SAP30L: variants seen among roughly 807,000 people sequenced by gnomAD.
SAP30L encodes the protein SAP30 like, also known as histone deacetylase complex subunit SAP30L.
In SAP30L, 10 loss-of-function variants were observed where a neutral mutation model predicts 22.3. That is an observed-to-expected ratio of 0.45 (90% CI 0.28 to 0.76). The LOEUF (loss-of-function observed/expected upper bound fraction) is 0.76. Among genes scored for constraint, SAP30L ranks in the 30% least tolerant of loss-of-function variants. The pLI, the probability that SAP30L is intolerant of heterozygous loss-of-function variation, is 0.14. For missense variants in SAP30L, 206 were observed against 237.9 expected (o/e 0.87, Z 0.88); for synonymous variants, 91 against 94.1 (o/e 0.97, Z 0.19).
chr5:154,451,205 A>G lies in SAP30L; in HGVS notation c.316A>G (p.Ile106Val), dbSNP rs370790858. 7.4e-6 allele frequency: 12 copies of G among 1,613,282 alleles called. No homozygotes were observed. Among genetic ancestry groups the G allele is most frequent in the Middle Eastern group, 1.6e-4 (1 of 6,080 alleles). ...AGATTCTCCCGAGCACGACACTGAC[A>G]TTCCTGAGGTAAAGGTCAAAGAAAC... is the stretch of plus-strand genomic sequence containing the variant. ...GGDSPEHDTD[I>V]PEVDLFQLQV... The change falls in exon 2 of 4, where the codon ATT becomes GTT. Residue 106 changes from isoleucine (I) to valine (V), a missense_variant. Physicochemically the swap from Ile to Val is conservative, Grantham distance 29. Coordinates refer to ENST00000297109, the MANE Select transcript of SAP30L (RefSeq NM_024632.6).
intron 1 of SAP30L, among the ~76,000 whole-genome samples, chr5:154,450,861 C>T (rs1757122664): frequency 6.6e-6 from 1 of 152,190 alleles, no homozygotes; most frequent in African/African-American, 2.4e-5. Flanking sequence ...CATTTACTGT[C>T]TTCACCATTC....
At chr5:154,454,743 G>A (rs1757228489) in intron 3 of SAP30L, among the ~76,000 whole-genome samples, 1 of 152,190 alleles carries the variant, frequency 6.6e-6, no homozygotes, top group Non-Finnish European at 1.5e-5. Flanking sequence ...ATGAGGTGGG[G>A]CAAGAGGAGA....
chr5:154,454,632 C>G (rs1757226177), intron 3 of SAP30L, among the ~76,000 whole-genome samples: 1 of 152,170 alleles, frequency 6.6e-6, no homozygotes, highest in Non-Finnish European at 1.5e-5. Flanking sequence ...TTAAACAACT[C>G]CTTCACCAGT....
Position 154,446,112 on chromosome 5 carries a change from G to A in SAP30L, c.-493G>A, listed in dbSNP as rs929898813. The A allele has an allele frequency of 6.6e-6, 1 of 151,350 alleles. No homozygotes were observed. The highest frequency in any genetic ancestry group is 1.5e-5 in the Non-Finnish European group (1 of 67,796). 9.4% of individuals were successfully genotyped at this position (151,350 alleles called of 1,614,324 possible). ...GGGCCGGACGAGCCGCGGGGCCCGG[G>A]TGCCGCGGGTTCGAGGCCGGGCCCC... On this transcript the variant is annotated 5_prime_UTR_variant, in exon 1 of 4. The change creates a new upstream start codon in the 5' untranslated region. Transcript: ENST00000297109.
chr5:154,461,042 ATGAG>A lies in SAP30L; in HGVS notation c.*5016_*5019del, dbSNP rs1179085899. The A allele has an allele frequency of 6.6e-6, 1 of 152,214 alleles. No homozygotes were observed. The highest frequency in any genetic ancestry group is 1.5e-5 in the Non-Finnish European group (1 of 68,052). The allele number at this position is 152,214 out of a possible 1,614,324, so 9.4% of individuals were successfully genotyped here. ...CTTTTGCTCTTAATAAATAATCTGA[ATGAG>A]TAAGAGACCCTCTGTCTTCCCTTTG... On this transcript the variant is annotated 3_prime_UTR_variant, in exon 4 of 4. Transcript: ENST00000297109.
rs545148250 is a variant in SAP30L at position 154,459,887 on chromosome 5, G to C, written c.*3859G>C. 6.6e-6 allele frequency: 1 copy of C among 152,190 alleles called. No homozygotes were observed. The highest frequency in any genetic ancestry group is 2.4e-5 in the African/African-American group (1 of 41,442). The allele number at this position is 152,190 out of a possible 1,614,324, so 9.4% of individuals were successfully genotyped here. A position where few individuals can be genotyped will look rare whatever the true frequency, so the allele number is the denominator to read the frequency against. ...AGAAAACAACGCTTCAGGACTTAAG[G>C]TCTAAGCGTCAGAGAAGTGCCGTAT... On this transcript the variant is annotated 3_prime_UTR_variant, in exon 4 of 4. Transcript: ENST00000297109.
In SAP30L at chr5:154,456,019, G is replaced by C. The variant is rs750146174; in HGVS notation, c.543G>C (p.Gln181His). 1.3e-5 allele frequency: 21 copies of C among 1,613,772 alleles called. No homozygotes were observed. Among genetic ancestry groups the C allele is most frequent in the Non-Finnish European group, 1.8e-5 (21 of 1,179,876 alleles). ...ACCAGAAATCGGAGGGTGGCAAGCAGCTTGAGTGAGGATGAAGCACATCTT... is the reference window on the plus strand; with the variant it reads ...ACCAGAAATCGGAGGGTGGCAAGCACCTTGAGTGAGGATGAAGCACATCTT... ...RLDQKSEGGKQLE is the reference protein window; with the variant it reads ...RLDQKSEGGKHLE Residue 181 changes from glutamine (Q) to histidine (H), a missense_variant, in exon 4 of 4, where the codon CAG becomes CAC. This residue lies in a region of SAP30L where 136 missense variants were observed against 187.4 expected (regional missense o/e 0.73). Transcript: ENST00000297109.
chr5:154,446,903 G>T (rs1757027803), intron 1 of SAP30L, 98 bp downstream of exon 1: 4 of 1,007,538 alleles, frequency 4.0e-6, no homozygotes, highest in Non-Finnish European at 4.3e-6. Flanking sequence ...TCCCCGCCGT[G>T]GGCCTCGCCG....
At position 154,446,619 on chromosome 5, in the gene SAP30L, C is replaced by G. The variant is rs1469854454; in HGVS notation, c.15C>G (p.Ser5Arg). Residue 5 changes from serine to arginine, a missense_variant, in exon 1 of 4, where the codon AGC becomes AGG. Around this residue, in one of 2 missense-constraint regions of SAP30L, gnomAD observed 70 missense variants for 50.5 expected, o/e 1.39. Transcript: ENST00000297109. ...GGGGCGGGGAGATGAACGGCTTCAG[C>G]ACGGAGGAGGACAGCCGCGAAGGGC... is the stretch of plus-strand genomic sequence containing the variant. MNGFSTEEDSREGPP... is the reference protein window; with the variant it reads MNGFRTEEDSREGPP... 2 of 1,512,312 alleles carry G rather than the reference C, an allele frequency of 1.3e-6. No individual in the cohort carries two copies. The highest frequency in any genetic ancestry group is 1.3e-5 in the South Asian group (1 of 78,694). 93.7% of individuals were successfully genotyped at this position (1,512,312 alleles called of 1,614,324 possible).
At chr5:154,451,419 C>T (rs1757136865) in intron 2 of SAP30L, 2 of 593,884 alleles carry the variant, frequency 3.4e-6, no homozygotes. Context: ...CATCATTTTA[C>T]AGACAGGCAC....
At chr5:154,451,238 G>A (rs1338181769) in intron 2 of SAP30L, 25 bp downstream of exon 2, 27 of 1,607,012 alleles carry the variant, frequency 1.7e-5, no homozygotes, top group Middle Eastern at 1.7e-4. Context: ...AACCAGTTGC[G>A]GAAGCTGGAA....
intron 1 of SAP30L, among the ~76,000 whole-genome samples, chr5:154,449,378 G>T (rs1757092187): frequency 6.6e-6 from 1 of 152,178 alleles, no homozygotes; most frequent in Admixed American, 6.5e-5. Flanking sequence ...CACTCTGGAT[G>T]GCTTCATTTT....
intron 2 of SAP30L, 69 bp from the exon 3 acceptor site, chr5:154,453,333 A>T: frequency 9.4e-7 from 1 of 1,059,270 alleles, no homozygotes; most frequent in Non-Finnish European, 1.5e-6. Context: ...AGTGCTAGGC[A>T]CATAGTGGGC....
In SAP30L at chr5:154,446,382, G is replaced by A. The variant is rs1037790109; in HGVS notation, c.-223G>A. 2.0e-5 allele frequency: 8 copies of A among 397,054 alleles called. No individual in the cohort carries two copies. Among genetic ancestry groups the A allele is most frequent in the African/African-American group, 6.3e-5 (3 of 47,886 alleles). The allele number at this position is 397,054 out of a possible 1,614,324, so 24.6% of individuals were successfully genotyped here. A position where few individuals can be genotyped will look rare whatever the true frequency, so the allele number is the denominator to read the frequency against. The stretch of plus-strand genomic sequence containing the variant: ...CGGGGCCCTGCGAGCCGCGGGAGCC[G>A]ACCCCGGGGCCTCGAGCCGGGAGGA... On this transcript the variant is annotated 5_prime_UTR_variant, in exon 1 of 4. Transcript: ENST00000297109.
At chr5:154,453,543 C>G (rs776098504) in intron 3 of SAP30L, 43 bp downstream of exon 3, 2 of 1,286,278 alleles carry the variant, frequency 1.6e-6, no homozygotes, top group South Asian at 2.4e-5. Flanking sequence ...CAGCATTGTG[C>G]TGCTTCTGAT....
In SAP30L at chr5:154,459,610, A is replaced by G. The variant is rs960098890; in HGVS notation, c.*3582A>G. On this transcript the variant is annotated 3_prime_UTR_variant, in exon 4 of 4. Coordinates refer to ENST00000297109, the MANE Select transcript of SAP30L (RefSeq NM_024632.6). ...TGTTGGAGAATGTTGAGAAAACCCT[A>G]CTGGCTGGCTTGTTTCTGCCAAAGC... The G allele has an allele frequency of 1.3e-5, 2 of 152,364 alleles. No individual in the cohort carries two copies. Among genetic ancestry groups the G allele is most frequent in the Non-Finnish European group, 2.9e-5 (2 of 68,196 alleles). The allele number at this position is 152,364 out of a possible 1,614,324, so 9.4% of individuals were successfully genotyped here.
At chr5:154,451,955 C>T (rs1230305041) in intron 2 of SAP30L, among the ~76,000 whole-genome samples, 2 of 152,308 alleles carry the variant, frequency 1.3e-5, no homozygotes, top group Non-Finnish European at 1.5e-5. Flanking sequence ...TGCGCTAGAC[C>T]ATGAGACCTA....
chr5:154,454,976 T>C (rs368850207), intron 3 of SAP30L, among the ~76,000 whole-genome samples: 4 of 151,930 alleles, frequency 2.6e-5, no homozygotes, highest in Admixed American at 1.3e-4. Context: ...CTGGAGTGCA[T>C]TGCTATGATC....
intron 2 of SAP30L, chr5:154,452,309 A>G (rs1383365204): frequency 1.4e-5 from 3 of 210,594 alleles, no homozygotes; most frequent in African/African-American, 2.4e-5. Context: ...TTTGCCTTTA[A>G]CGTTATTGTT....
Sources: gnomAD v4.1 joint callset for allele counts (sites outside exome capture counted in the v4.1 genomes callset) on GRCh38, gnomAD v4.1.1 for gene constraint, gnomAD v4.1.1 regional missense constraint, MANE v1.5 for transcripts, NCBI Gene and HGNC (gene_info 2026-07-23, HGNC 2026-07-21) for gene names.